WDPCP: variants seen among roughly 807,000 people sequenced by gnomAD.
The protein encoded by WDPCP is WD repeat-containing and planar cell polarity effector protein fritz homolog.
Under a neutral mutation model 93.1 loss-of-function variants are expected in WDPCP, and 71 were observed. That is an observed-to-expected ratio of 0.76 (90% CI 0.63 to 0.93). WDPCP has a LOEUF of 0.93. WDPCP is among the 40% of genes least tolerant of loss of function. The pLI is 0.00. For missense variants in WDPCP, 844 were observed against 887.4 expected, an observed-to-expected ratio of 0.95 and a Z score of 0.62; for synonymous variants, 315 against 315.0, an observed-to-expected ratio of 1.00 and a Z score of 0.00.
intron 2 of WDPCP, among the ~76,000 whole-genome samples, chr2:63,737,816 CA>C (rs1330453430): frequency 6.6e-6 from 1 of 152,174 alleles, no homozygotes; most frequent in Non-Finnish European, 1.5e-5. Context: ...ATTTGAATCT[CA>C]TTGGGAGTTA....
rs377133190 is a variant in WDPCP at position 63,341,497 on chromosome 2, G to T, written c.1749-28186C>A. On this transcript the variant is annotated intron_variant, in intron 12 of 17. Transcript: ENST00000272321. The stretch of plus-strand genomic sequence containing the variant: ...TGCCCTTGAGAAAAATGTATATTCT[G>T]CTGTTGTGGGTAGTGGGTAGTGTAT... Among the ~76,000 whole-genome samples, 28 of 152,320 alleles carry T rather than the reference G, an allele frequency of 1.8e-4. No homozygotes were observed. In the East Asian group the frequency reaches 1.9e-3, roughly 11 times the overall value.
intron 10 of WDPCP, among the ~76,000 whole-genome samples, chr2:63,390,933 G>A (rs1458827870): frequency 3.3e-5 from 5 of 152,196 alleles, no homozygotes; most frequent in Middle Eastern, 3.4e-3. Flanking sequence ...AGAACCAGAC[G>A]GATTCACAGC....
rs1226048870 is a variant in WDPCP, at chr2:63,378,486, T to TCTGG, written c.1647_1648insCCAG (p.Thr550ProfsTer19). 2 of 1,613,222 alleles carry TCTGG rather than the reference T, an allele frequency of 1.2e-6. No individual in the cohort carries two copies. Among genetic ancestry groups the TCTGG allele is most frequent in the Non-Finnish European group, 1.7e-6 (2 of 1,179,418 alleles). ...AGTGGTCTTGTTGGAGCATAGAAGG[T>TCTGG]TCCAAGGCTTGTCTCAAGCTGTGCT... On this transcript the variant is annotated frameshift_variant, in exon 12 of 18. Coordinates refer to ENST00000272321, the MANE Select transcript of WDPCP (RefSeq NM_015910.7). LOFTEE classifies it high-confidence loss of function.
chr2:63,477,325 G>A (rs920115567), intron 6 of WDPCP, among the ~76,000 whole-genome samples: 1 of 151,852 alleles, frequency 6.6e-6, no homozygotes, highest in African/African-American at 2.4e-5. Context: ...ATGATTTTAG[G>A]AGACAAAAAA....
At chr2:63,138,181 C>A (rs1670781541) in intron 17 of WDPCP, among the ~76,000 whole-genome samples, 1 of 150,178 alleles carries the variant, frequency 6.7e-6, no homozygotes, top group Non-Finnish European at 1.5e-5. Flanking sequence ...CAGTGAGCAT[C>A]CTTATGATTA....
At chr2:63,775,951 C>A (rs1670296064) in intron 2 of WDPCP, among the ~76,000 whole-genome samples, 1 of 152,122 alleles carries the variant, frequency 6.6e-6, no homozygotes, top group African/African-American at 2.4e-5. Flanking sequence ...AAAATCCCAG[C>A]ACTTTGGGAG....
upstream of WDPCP, chr2:63,588,643 C>T (rs1709053281): frequency 4.1e-6 from 2 of 490,238 alleles, no homozygotes; most frequent in South Asian, 2.1e-5. Context: ...GGGTGATTCT[C>T]CCCTCCCTAG....
intron 2 of WDPCP, among the ~76,000 whole-genome samples, chr2:63,752,983 C>T (rs1014765387): frequency 1.3e-5 from 2 of 152,080 alleles, no homozygotes; most frequent in African/African-American, 4.8e-5. Flanking sequence ...TATGAGCCCC[C>T]GCACCCGGCC....
intron 12 of WDPCP, among the ~76,000 whole-genome samples, chr2:63,335,252 G>A (rs1450697740): frequency 6.6e-6 from 1 of 151,918 alleles, no homozygotes; most frequent in African/African-American, 2.4e-5. Flanking sequence ...GAAGTCCCCA[G>A]ACCCTCTTTG....
At chr2:63,648,548 A>G (rs974075266) in intron 3 of WDPCP, among the ~76,000 whole-genome samples, 3 of 152,214 alleles carry the variant, frequency 2.0e-5, no homozygotes, top group African/African-American at 4.8e-5. Context: ...TCCTCTGACA[A>G]CCTGCAACCC....
intron 2 of WDPCP, among the ~76,000 whole-genome samples, chr2:63,674,129 G>A (rs918597750): frequency 6.6e-6 from 1 of 152,190 alleles, no homozygotes; most frequent in African/African-American, 2.4e-5. Flanking sequence ...GGCCACATTG[G>A]TCTGGGGAAA....
chr2:63,681,122 A>G (rs772103336), intron 2 of WDPCP, among the ~76,000 whole-genome samples: 12 of 152,092 alleles, frequency 7.9e-5, no homozygotes, highest in Non-Finnish European at 1.0e-4. Context: ...CAGCTGCATT[A>G]ACTATGGTGA....
At chr2:63,283,989 G>A (rs1453961634) in intron 13 of WDPCP, among the ~76,000 whole-genome samples, 1 of 151,830 alleles carries the variant, frequency 6.6e-6, no homozygotes, top group Non-Finnish European at 1.5e-5. Context: ...AGGTTATTCA[G>A]TCAAAAAAGA....
chr2:63,126,668 T>G lies in WDPCP; in HGVS notation c.2191-4612A>C, dbSNP rs575866972. On this transcript the variant is annotated intron_variant, in intron 17 of 17. Transcript: ENST00000272321. ...CATAACTGTGCAACTTGTTTTGTGT[T>G]TTTTTTTTTTTTTTTTTTTTTGAGA... Among the ~76,000 whole-genome samples, 205 of 137,310 alleles carry G rather than the reference T, an allele frequency of 1.5e-3. 1 individual carries two copies. Among genetic ancestry groups the G allele is most frequent in the African/African-American group, 5.7e-3 (193 of 33,826 alleles). 90.1% of individuals were successfully genotyped at this position (137,310 alleles called of 152,430 possible).
At chr2:63,124,341 A>T (rs2153395279) in intron 17 of WDPCP, among the ~76,000 whole-genome samples, 1 of 152,106 alleles carries the variant, frequency 6.6e-6, no homozygotes, top group East Asian at 1.9e-4. Context: ...GCCTTGACTG[A>T]ATGAAACTAC....
chr2:63,723,036 G>A (rs1167431000), intron 2 of WDPCP, among the ~76,000 whole-genome samples: 3 of 152,074 alleles, frequency 2.0e-5, no homozygotes, highest in Non-Finnish European at 2.9e-5. Flanking sequence ...AGCGTTGAAC[G>A]GATTAAGGGC....
In WDPCP at chr2:63,622,884, T is replaced by C. The variant is rs560283742; in HGVS notation, n.488+27775A>G. On this transcript the variant is annotated intron_variant and non_coding_transcript_variant, in intron 3 of 4. Transcript: ENST00000467687. ...CGCGCAGCATCAGGGGTGCGGAGCC[T>C]GGGAGGCACGCGGGGGCCGGGCCAG... 3.0e-4 allele frequency: 454 copies of C among 1,490,528 alleles called. 1 individual carries two copies. Among genetic ancestry groups the C allele is most frequent in the Admixed American group, 6.5e-4 (36 of 55,046 alleles). The allele number at this position is 1,490,528 out of a possible 1,614,324, so 92.3% of individuals were successfully genotyped here. A position where few individuals can be genotyped will look rare whatever the true frequency, so the allele number is the denominator to read the frequency against.
At chr2:63,277,597 G>A (rs1436293788) in intron 13 of WDPCP, among the ~76,000 whole-genome samples, 1 of 152,178 alleles carries the variant, frequency 6.6e-6, no homozygotes, top group Non-Finnish European at 1.5e-5. Context: ...GTGAGCAGGA[G>A]TAGCTATTTT....
Position 63,528,561 on chromosome 2 carries a change from G to A in WDPCP, c.76-35621C>T, listed in dbSNP as rs185728087. Among the ~76,000 whole-genome samples the A allele has an allele frequency of 7.7e-3, 1,179 of 152,228 alleles. 14 individuals are homozygous for A. Among genetic ancestry groups the A allele is most frequent in the African/African-American group, 0.023 (965 of 41,544 alleles). ...GTATTATTTCTGAGGGCTCTGTTCT[G>A]TTCCATTGGTCTATATCTCTGTTTT... On this transcript the variant is annotated intron_variant, in intron 1 of 17. Coordinates refer to ENST00000272321, the MANE Select transcript of WDPCP (RefSeq NM_015910.7).
Sources: allele counts gnomAD v4.1 joint callset (sites outside exome capture counted in the v4.1 genomes callset), GRCh38; gene constraint gnomAD v4.1.1; transcripts MANE v1.5; gene names NCBI Gene and HGNC (gene_info 2026-07-23, HGNC 2026-07-21).